ERAP1: variants seen among roughly 807,000 people sequenced by gnomAD.
The protein encoded by ERAP1 is adipocyte-derived leucine aminopeptidase.
A neutral mutation model predicts 103.7 loss-of-function variants in ERAP1; 86 were observed. That is an observed-to-expected ratio of 0.83 (90% CI 0.70 to 0.99). The LOEUF (loss-of-function observed/expected upper bound fraction) is 0.99, where lower values mean the gene tolerates loss of function less well. Ranked by LOEUF, ERAP1 falls within the 50% of genes least tolerant of loss-of-function variation. The probability of loss-of-function intolerance (pLI) is 0.00; values close to 1 mark genes in which losing one functional copy is unlikely to be tolerated. For missense variants in ERAP1, 1,009 were observed against 1,128.4 expected, an observed-to-expected ratio of 0.89 and a Z score of 1.52; for synonymous variants, 398 against 402.4, an observed-to-expected ratio of 0.99 and a Z score of 0.13.
Position 96,764,940 on chromosome 5 carries a change from C to A in ERAP1, c.2819-1712G>T, listed in dbSNP as rs112634209. ...ATGGCTCCTGAGGCTGCCACTAAGACCTCCTTAACCTGGTGGGATCTTCAC... is the reference window on the plus strand; with the variant it reads ...ATGGCTCCTGAGGCTGCCACTAAGAACTCCTTAACCTGGTGGGATCTTCAC... On this transcript the variant is annotated intron_variant, in intron 19 of 19. Transcript: ENST00000296754. 4.7e-3 allele frequency among the ~76,000 whole-genome samples: 718 copies of A among 152,218 alleles called. 5 individuals are homozygous for A. The highest frequency in any genetic ancestry group is 0.016 in the African/African-American group (681 of 41,540).
upstream of ERAP1, among the ~76,000 whole-genome samples, chr5:96,811,386 G>A (rs1055129684): frequency 6.6e-6 from 1 of 152,140 alleles, no homozygotes; most frequent in Non-Finnish European, 1.5e-5. Flanking sequence ...ACTTATGCAG[G>A]TGGCTAGTAG....
Position 96,790,331 on chromosome 5 carries a change from A to G in ERAP1, c.1489T>C (p.Phe497Leu). 1 of 1,614,164 alleles carries G rather than the reference A, an allele frequency of 6.2e-7. No homozygotes were observed. The highest frequency in any genetic ancestry group is 1.1e-5 in the South Asian group (1 of 91,082). ...PTDGVKGMDG[F>L]CSRSQHSSSS... is the part of the protein sequence containing the mutation. The stretch of plus-strand genomic sequence containing the variant: ...GATGAATGTTGACTTCTAGAGCAAA[A>G]GCCATCCATCCCTTTTACACCATCT... Residue 497 changes from phenylalanine (F) to leucine (L), a missense_variant, in exon 10 of 19, where the codon TTT becomes CTT. Transcript: ENST00000443439.
At chr5:96,823,358 T>C in the ERAP1 span, among the ~76,000 whole-genome samples, 16 of 152,228 alleles carry the variant, frequency 1.1e-4, no homozygotes, top group East Asian at 1.9e-4. Context: ...AAATATTTGA[T>C]GGCATTTCCC....
the ERAP1 span, among the ~76,000 whole-genome samples, chr5:96,916,901 A>G: frequency 1.3e-5 from 2 of 152,026 alleles, no homozygotes; most frequent in East Asian, 3.9e-4. Flanking sequence ...ACTTGGGTAA[A>G]TCATTTAACT....
intron 17 of ERAP1, 29 bp downstream of exon 17, chr5:96,781,029 G>C: frequency 6.2e-7 from 1 of 1,613,694 alleles, no homozygotes; most frequent in Non-Finnish European, 8.5e-7. Flanking sequence ...AACTTATCCA[G>C]TCACAGCACA....
At chr5:96,887,725 C>T in the ERAP1 span, among the ~76,000 whole-genome samples, 163 of 152,272 alleles carry the variant, frequency 1.1e-3, no homozygotes, top group African/African-American at 3.8e-3. Context: ...TAAATATTTG[C>T]AAACATCAGT....
Position 96,775,429 on chromosome 5 carries a change from G to C in ERAP1, c.*967C>G. 1.0e-6 allele frequency: 1 copy of C among 985,368 alleles called. No homozygotes were observed. The highest frequency in any genetic ancestry group is 1.2e-6 in the Non-Finnish European group (1 of 829,814). 61.0% of individuals were successfully genotyped at this position (985,368 alleles called of 1,614,324 possible). ...TGTAAAGTAGGCCAAATAAGAAGCA[G>C]AGAGAGAAAAAAAATCACCTCCCTA... On this transcript the variant is annotated 3_prime_UTR_variant, in exon 19 of 19. Coordinates refer to ENST00000443439, the MANE Select transcript of ERAP1 (RefSeq NM_001040458.3).
the ERAP1 span, among the ~76,000 whole-genome samples, chr5:96,869,424 T>G: frequency 6.6e-6 from 1 of 152,036 alleles, no homozygotes; most frequent in East Asian, 1.9e-4. Flanking sequence ...TACTCCTGGA[T>G]GAAAGTTGAG....
rs27895 is a variant in ERAP1, at chr5:96,793,840, C to T, written c.1037G>A (p.Gly346Asp). 0.072 allele frequency: 116,220 copies of T among 1,613,580 alleles called. 5,177 individuals carry two copies. The highest frequency in any genetic ancestry group is 0.19 in the African/African-American group (14,571 of 74,976). ...TTCATGGGCCACAGTCATTGTGATGCCAAGCTTACTTGATGCAGAAGACTT... is the reference window on the plus strand; with the variant it reads ...TTCATGGGCCACAGTCATTGTGATGTCAAGCTTACTTGATGCAGAAGACTT... ...AEKSSASSKL[G>D]ITMTVAHELA... Residue 346 changes from glycine to aspartate, a missense_variant, in exon 6 of 19, where the codon GGC becomes GAC. Gly to Asp is a moderately conservative substitution (Grantham distance 94). Transcript: ENST00000443439.
chr5:96,785,787 C>G lies in ERAP1; in HGVS notation c.1943+1G>C. ...CCGCGACTTTGTGCAGCGTGTATTA[C>G]CTGACGAGCTGAAATGCATTGTTAA... On this transcript the variant is annotated splice_donor_variant, in intron 13 of 18. Coordinates refer to ENST00000443439, the MANE Select transcript of ERAP1 (RefSeq NM_001040458.3). LOFTEE classifies it high-confidence loss of function. 6.2e-7 allele frequency: 1 copy of G among 1,614,070 alleles called. No homozygotes were observed. Among genetic ancestry groups the G allele is most frequent in the South Asian group, 1.1e-5 (1 of 91,084 alleles).
chr5:96,909,054 C>T, the ERAP1 span: 1 of 1,614,162 alleles, frequency 6.2e-7, no homozygotes, highest in Non-Finnish European at 8.5e-7. Flanking sequence ...GTCTGAGTTA[C>T]TTGGAATCGT....
chr5:96,912,719 G>A, the ERAP1 span: 4 of 1,604,638 alleles, frequency 2.5e-6, no homozygotes, highest in Non-Finnish European at 3.4e-6. Flanking sequence ...AGAGCAATAT[G>A]AACTGTCAAT....
At chr5:96,767,259 G>A (rs112291931) in intron 19 of ERAP1, among the ~76,000 whole-genome samples, 29 of 152,162 alleles carry the variant, frequency 1.9e-4, no homozygotes, top group Non-Finnish European at 3.7e-4. Flanking sequence ...TGATTATAAA[G>A]AATAGTAATT....
chr5:96,852,683 T>G, the ERAP1 span, among the ~76,000 whole-genome samples: 1 of 152,202 alleles, frequency 6.6e-6, no homozygotes, highest in African/African-American at 2.4e-5. Flanking sequence ...AGGCTGACAA[T>G]TAAAATAGAC....
At chr5:96,830,954 G>A in the ERAP1 span, among the ~76,000 whole-genome samples, 4 of 152,210 alleles carry the variant, frequency 2.6e-5, no homozygotes, top group Admixed American at 2.6e-4. Context: ...TGCAGAACCC[G>A]TGTGTATGAA....
At chr5:96,797,831 G>C (rs1333603128) in intron 3 of ERAP1, among the ~76,000 whole-genome samples, 1 of 152,076 alleles carries the variant, frequency 6.6e-6, no homozygotes, top group East Asian at 1.9e-4. Context: ...TCCACATTTG[G>C]CATATGTGGA....
chr5:96,839,957 A>T, the ERAP1 span, among the ~76,000 whole-genome samples: 1 of 152,208 alleles, frequency 6.6e-6, no homozygotes, highest in South Asian at 2.1e-4. Context: ...CACTGTTTAT[A>T]CTTGTAAGTA....
chr5:96,908,682 T>C, the ERAP1 span, among the ~76,000 whole-genome samples: 23 of 152,366 alleles, frequency 1.5e-4, no homozygotes, highest in Admixed American at 5.9e-4. Flanking sequence ...TTATTCTAAA[T>C]GCTTTTTAAA....
At chr5:96,873,055 G>A in the ERAP1 span, among the ~76,000 whole-genome samples, 1 of 152,018 alleles carries the variant, frequency 6.6e-6, no homozygotes, top group African/African-American at 2.4e-5. Context: ...CAGGCATGGT[G>A]GTGGGCGCCT....
Sources: gnomAD v4.1 joint callset for allele counts (sites outside exome capture counted in the v4.1 genomes callset) on GRCh38, gnomAD v4.1.1 for gene constraint, MANE v1.5 for transcripts, NCBI Gene and HGNC (gene_info 2026-07-23, HGNC 2026-07-21) for gene names.